ZNF362: variants seen among roughly 807,000 people sequenced by gnomAD.
ZNF362 encodes zinc finger protein 362.
ZNF362 carries 11 observed loss-of-function variants against 42.9 expected under a neutral mutation model. That is an observed-to-expected ratio of 0.26 (90% confidence interval 0.16 to 0.42). The LOEUF is 0.42. Among genes scored for constraint, ZNF362 ranks in the 20% least tolerant of loss-of-function variants. The pLI, the probability that ZNF362 is intolerant of heterozygous loss-of-function variation, is 1.00. For synonymous variants in ZNF362, 255 were observed against 257.3 expected, an observed-to-expected ratio of 0.99 and a Z score of 0.09; for missense variants, 362 against 576.2, an observed-to-expected ratio of 0.63 and a Z score of 3.81.
chr1:33,196,099 G>C, the ZNF362 span: 2 of 152,072 alleles, frequency 1.3e-5, no homozygotes, highest in Admixed American at 6.6e-5. Flanking sequence ...AAAGACACAG[G>C]CTGGGTGCAG....
the ZNF362 span, among the ~76,000 whole-genome samples, chr1:33,190,404 G>T: frequency 2.6e-5 from 4 of 152,054 alleles, no homozygotes; most frequent in Admixed American, 1.3e-4. Flanking sequence ...GAATCCTATT[G>T]TCACCATTAA....
rs376572419 is a variant in ZNF362, at chr1:33,276,330, G to A, written c.103-18G>A. The A allele has an allele frequency of 4.0e-5, 62 of 1,545,974 alleles. No homozygotes were observed. Among genetic ancestry groups the A allele is most frequent in the East Asian group, 7.3e-5 (3 of 40,976 alleles). On this transcript the variant is annotated intron_variant, in intron 3 of 8. Transcript: ENST00000539719. ...GAGGTGGTCCAGACCTCCTCAGCCC[G>A]TCCTCTTCTTCCCGCAGCTGGACAA...
the ZNF362 span, among the ~76,000 whole-genome samples, chr1:33,196,592 G>T: frequency 3.9e-5 from 6 of 152,132 alleles, no homozygotes; most frequent in Non-Finnish European, 7.4e-5. Flanking sequence ...TGAAGGACCT[G>T]CCAGAGGTTG....
chr1:33,193,636 G>A, the ZNF362 span, among the ~76,000 whole-genome samples: 2 of 152,286 alleles, frequency 1.3e-5, no homozygotes, highest in South Asian at 2.1e-4. Flanking sequence ...AGACAAAATG[G>A]GGAGAATCAA....
the ZNF362 span, among the ~76,000 whole-genome samples, chr1:33,129,084 G>A: frequency 3.3e-5 from 5 of 152,178 alleles, no homozygotes; most frequent in Admixed American, 6.5e-5. This position sits in a 1 kb window ranked among gnomAD's most constrained non-coding sequence, Gnocchi z 4.1. Flanking sequence ...GGGCACTGGC[G>A]TGTACAAGGG....
chr1:33,226,603 G>A, the ZNF362 span, among the ~76,000 whole-genome samples: 27,143 of 152,096 alleles, frequency 0.18, 2,781 homozygotes, highest in East Asian at 0.31. Flanking sequence ...CATGGCTCAC[G>A]CCTGTAATCC....
At chr1:33,226,250 G>T in the ZNF362 span, among the ~76,000 whole-genome samples, 5 of 152,242 alleles carry the variant, frequency 3.3e-5, no homozygotes, top group African/African-American at 1.2e-4. Flanking sequence ...GTCCCATTTT[G>T]CAGATGAGCT....
chr1:33,237,579 C>T, the ZNF362 span, among the ~76,000 whole-genome samples: 4 of 152,174 alleles, frequency 2.6e-5, no homozygotes, highest in Non-Finnish European at 4.4e-5. Flanking sequence ...ACATTTATTG[C>T]GTGCTTATGT....
At chr1:33,234,506 T>A in the ZNF362 span, among the ~76,000 whole-genome samples, 1 of 152,082 alleles carries the variant, frequency 6.6e-6, no homozygotes, top group Non-Finnish European at 1.5e-5. Context: ...CCACCCCATC[T>A]TGTACTGACC....
chr1:33,202,116 C>T, the ZNF362 span, among the ~76,000 whole-genome samples: 29 of 152,268 alleles, frequency 1.9e-4, no homozygotes, highest in South Asian at 5.2e-3. Flanking sequence ...AAATTGAATT[C>T]GTATTTAAAA....
chr1:33,229,638 C>A, the ZNF362 span, among the ~76,000 whole-genome samples: 2 of 151,986 alleles, frequency 1.3e-5, no homozygotes, highest in Admixed American at 1.3e-4. Context: ...AACTCCTGAC[C>A]TGGTGATCTG....
the ZNF362 span, among the ~76,000 whole-genome samples, chr1:33,170,546 G>C: frequency 5.3e-5 from 8 of 152,218 alleles, no homozygotes; most frequent in Non-Finnish European, 8.8e-5. Flanking sequence ...CAAGGATGAG[G>C]CTAGGCTGAG....
At chr1:33,188,226 A>C in the ZNF362 span, among the ~76,000 whole-genome samples, 1 of 150,486 alleles carries the variant, frequency 6.6e-6, no homozygotes, top group Non-Finnish European at 1.5e-5. Flanking sequence ...ATGAGACTTC[A>C]TCTCAAAACA....
At chr1:33,151,709 C>T in the ZNF362 span, among the ~76,000 whole-genome samples, 2 of 152,354 alleles carry the variant, frequency 1.3e-5, no homozygotes, top group East Asian at 1.9e-4. Context: ...CCCGTCTGGT[C>T]TCCAGGTGTG....
the ZNF362 span, among the ~76,000 whole-genome samples, chr1:33,148,406 G>A: frequency 6.6e-6 from 1 of 152,132 alleles, no homozygotes; most frequent in Non-Finnish European, 1.5e-5. Context: ...TGAAGGGAAG[G>A]CTGCATTTGT....
At chr1:33,212,740 T>C in the ZNF362 span, among the ~76,000 whole-genome samples, 1 of 152,168 alleles carries the variant, frequency 6.6e-6, no homozygotes, top group East Asian at 1.9e-4. Context: ...GGAATGGCAC[T>C]AAGCCATTCA....
At chr1:33,136,281 C>T in the ZNF362 span, among the ~76,000 whole-genome samples, 1 of 149,110 alleles carries the variant, frequency 6.7e-6, no homozygotes, top group Non-Finnish European at 1.5e-5. Flanking sequence ...TTCTTTCTCT[C>T]TTCCTTTCCT....
At chr1:33,155,990 G>A in the ZNF362 span, among the ~76,000 whole-genome samples, 1 of 152,196 alleles carries the variant, frequency 6.6e-6, no homozygotes, top group Non-Finnish European at 1.5e-5. Context: ...CATCAGAAGA[G>A]AATCCCCCAA....
At chr1:33,195,302 A>C in the ZNF362 span, 3 of 152,246 alleles carry the variant, frequency 2.0e-5, no homozygotes, top group African/African-American at 7.2e-5. Flanking sequence ...CAAGAAAAAA[A>C]TTCAGCTCAG....
Sources: gnomAD v4.1 joint callset for allele counts (sites outside exome capture counted in the v4.1 genomes callset) on GRCh38, gnomAD v4.1.1 for gene constraint, Gnocchi (gnomAD v3.1) non-coding constraint, MANE v1.5 for transcripts, NCBI Gene and HGNC (gene_info 2026-07-23, HGNC 2026-07-21) for gene names.